Variants in EDRF1 observed in about 807,000 individuals in gnomAD.
EDRF1 encodes erythroid differentiation regulatory factor 1.
EDRF1 carries 69 observed loss-of-function variants against 148.7 expected under a neutral mutation model. The ratio of observed to expected loss-of-function variants is 0.46; its 90% CI spans 0.38 to 0.57. The LOEUF is 0.57. EDRF1 is among the 20% of genes least tolerant of loss of function. The pLI is 0.00. For synonymous variants in EDRF1, 515 were observed against 532.8 expected (o/e 0.97, Z 0.46); for missense variants, 1,118 against 1,478.7 (o/e 0.76, Z 4.00).
At position 125,756,870 on chromosome 10, in the gene EDRF1, T is replaced by G. The variant is rs370774718; in HGVS notation, c.3545+3025T>G. ...CTCTGTCACTCAGGCTGGAGTGCAG[T>G]GGCATGATCATAGCTCACTGCAGCC... On this transcript the variant is annotated intron_variant, in intron 24 of 24. Transcript: ENST00000356792. 96 of 420,888 alleles carry G rather than the reference T, an allele frequency of 2.3e-4. 1 individual carries two copies. Among genetic ancestry groups the G allele is most frequent in the African/African-American group, 1.8e-3 (87 of 48,190 alleles). The allele number at this position is 420,888 out of a possible 1,614,324, so 26.1% of individuals were successfully genotyped here. A position where few individuals can be genotyped will look rare whatever the true frequency, so the allele number is the denominator to read the frequency against.
intron 7 of EDRF1, 26 bp from the exon 8 acceptor site, chr10:125,729,332 A>G (rs1205205376): frequency 6.8e-6 from 11 of 1,610,472 alleles, no homozygotes; most frequent in Non-Finnish European, 9.3e-6. Context: ...ACTGTTTATT[A>G]TAATCCTCCC....
At chr10:125,735,371 G>A (rs1384718018) in intron 12 of EDRF1, among the ~76,000 whole-genome samples, 1 of 152,078 alleles carries the variant, frequency 6.6e-6, no homozygotes, top group East Asian at 1.9e-4. Flanking sequence ...GCTTTTGTTT[G>A]TCTCCAGTGA....
chr10:125,722,646 T>C (rs1030945148), intron 2 of EDRF1, among the ~76,000 whole-genome samples: 1 of 152,204 alleles, frequency 6.6e-6, no homozygotes, highest in African/African-American at 2.4e-5. Context: ...TGTATATCAC[T>C]AGAAACACAA....
At chr10:125,756,834 A>G (rs1168192772) in intron 24 of EDRF1, 3 of 431,862 alleles carry the variant, frequency 6.9e-6, no homozygotes, top group Non-Finnish European at 1.4e-5. Flanking sequence ...TTTTTTTGAG[A>G]CAAGGTCTCA....
At chr10:125,731,940 G>T (rs1370698537) in intron 9 of EDRF1, 1 of 446,172 alleles carries the variant, frequency 2.2e-6, no homozygotes. Context: ...GTTGCCCAGG[G>T]TCAACTTAGT....
intron 22 of EDRF1, among the ~76,000 whole-genome samples, chr10:125,750,177 G>A (rs769149884): frequency 6.6e-6 from 1 of 151,946 alleles, no homozygotes; most frequent in African/African-American, 2.4e-5. Flanking sequence ...GATTTAAATC[G>A]GCATGAAAAA....
chr10:125,747,427 C>T, intron 19 of EDRF1, 109 bp from the exon 20 acceptor site: 1 of 1,222,462 alleles, frequency 8.2e-7, no homozygotes, highest in African/African-American at 1.5e-5. Flanking sequence ...TATAAATTAT[C>T]CCAAAATTAA....
rs149382540 is a variant in EDRF1, at chr10:125,743,841, G to A, written c.2590+565G>A. On this transcript the variant is annotated intron_variant, in intron 18 of 24. Coordinates refer to ENST00000356792, the MANE Select transcript of EDRF1 (RefSeq NM_001202438.2). Reference sequence around the variant, plus strand: ...GGGATCTCAAAGGGTGCAAGTGTACGTTTAGAGGGAGCAAGAGGCCTGTGT... The same window carrying A: ...GGGATCTCAAAGGGTGCAAGTGTACATTTAGAGGGAGCAAGAGGCCTGTGT... Among the ~76,000 whole-genome samples the A allele has an allele frequency of 1.4e-4, 22 of 152,272 alleles. No individual in the cohort carries two copies. The East Asian group carries it at 3.9e-3, about 27-fold the overall frequency.
At chr10:125,753,637 G>A (rs1386972723) in intron 23 of EDRF1, 57 bp from the exon 24 acceptor site, 9 of 1,592,664 alleles carry the variant, frequency 5.7e-6, no homozygotes, top group African/African-American at 2.7e-5. Flanking sequence ...CACTTGGTAC[G>A]ATATGAAACT....
At chr10:125,732,820 G>A (rs1848538239) in intron 9 of EDRF1, among the ~76,000 whole-genome samples, 1 of 151,980 alleles carries the variant, frequency 6.6e-6, no homozygotes, top group African/African-American at 2.4e-5. Flanking sequence ...AAATGCAAAG[G>A]CACTTTTAAA....
At position 125,747,843 on chromosome 10, in the gene EDRF1, C is replaced by T. The variant is rs1408207375; in HGVS notation, c.2974-20C>T. 1.2e-6 allele frequency: 2 copies of T among 1,613,610 alleles called. No homozygotes were observed. The highest frequency in any genetic ancestry group is 2.2e-5 in the East Asian group (1 of 44,874). ...CAGATTAGAAGCTTATTTTTTTCTTCCCCCTCAAAACAAGAACAGATTGAG... is the reference window on the plus strand; with the variant it reads ...CAGATTAGAAGCTTATTTTTTTCTTTCCCCTCAAAACAAGAACAGATTGAG... On this transcript the variant is annotated intron_variant, in intron 20 of 24. Transcript: ENST00000356792.
intron 1 of EDRF1, 31 bp from the exon 2 acceptor site, chr10:125,721,173 T>C: frequency 6.2e-7 from 1 of 1,607,460 alleles, no homozygotes; most frequent in Non-Finnish European, 8.5e-7. Flanking sequence ...TTAGTAATTT[T>C]CATTAAAGTT....
intron 9 of EDRF1, chr10:125,731,885 C>A: frequency 2.2e-6 from 1 of 453,048 alleles, no homozygotes. Flanking sequence ...TGCTGTTATT[C>A]CTATTTGATG....
Position 125,745,820 on chromosome 10 carries a change from T to C in EDRF1, c.2704T>C (p.Leu902=), listed in dbSNP as rs779638514. The C allele has an allele frequency of 1.9e-6, 3 of 1,614,228 alleles. No individual in the cohort carries two copies. The highest frequency in any genetic ancestry group is 3.3e-5 in the Admixed American group (2 of 60,028). Residue 902 remains leucine, a synonymous_variant, in exon 19 of 25, where the codon TTA becomes CTA. Coordinates refer to ENST00000356792, the MANE Select transcript of EDRF1 (RefSeq NM_001202438.2). ...TGAGGATGCCACCAATGCCGCCCTT[T>C]TATTATGTAACACGGGAAGGCTCAT... ...SIEDATNAAL[L]LCNTGRLMRI...
At position 125,740,481 on chromosome 10, in the gene EDRF1, G is replaced by T; in HGVS notation, c.2000G>T (p.Gly667Val). The change falls in exon 16 of 25, where the codon GGC becomes GTC. Residue 667 changes from glycine (G) to valine (V), a missense_variant. Transcript: ENST00000356792. ...GTCACAGTGGGCTCCCTTCAGAAGG[G>T]CAATTATTCCAGTCAATCTGGAATG... ...FLDKMGSLQK[G>V]NYSSQSGMIP... 6.2e-7 allele frequency: 1 copy of T among 1,613,968 alleles called. No homozygotes were observed. The highest frequency in any genetic ancestry group is 8.5e-7 in the Non-Finnish European group (1 of 1,179,994).
At chr10:125,731,486 A>G (rs1039431474) in intron 9 of EDRF1, among the ~76,000 whole-genome samples, 2 of 152,224 alleles carry the variant, frequency 1.3e-5, no homozygotes, top group Non-Finnish European at 2.9e-5. Flanking sequence ...GCTAGGGAAC[A>G]CAGGATTTAT....
At position 125,719,765 on chromosome 10, in the gene EDRF1, C is replaced by A; in HGVS notation, c.-43C>A. ...CTTTGGGCCTGCGTTGCTGCTGCTG[C>A]TCCTCCGCTCCCCCGTCGTATCGCC... On this transcript the variant is annotated 5_prime_UTR_variant, in exon 1 of 25. Coordinates refer to ENST00000356792, the MANE Select transcript of EDRF1 (RefSeq NM_001202438.2). The A allele has an allele frequency of 6.5e-7, 1 of 1,530,750 alleles. No individual in the cohort carries two copies. The highest frequency in any genetic ancestry group is 8.9e-7 in the Non-Finnish European group (1 of 1,119,234). The allele number at this position is 1,530,750 out of a possible 1,614,324, so 94.8% of individuals were successfully genotyped here. A position where few individuals can be genotyped will look rare whatever the true frequency, so the allele number is the denominator to read the frequency against.
intron 15 of EDRF1, among the ~76,000 whole-genome samples, chr10:125,739,521 C>CA (rs1478042976): frequency 6.6e-6 from 1 of 152,200 alleles, no homozygotes; most frequent in African/African-American, 2.4e-5. Context: ...CATGCACACA[C>CA]ACGGTTGTGA....
intron 2 of EDRF1, among the ~76,000 whole-genome samples, chr10:125,722,025 C>T (rs1381673615): frequency 1.3e-5 from 2 of 152,166 alleles, no homozygotes; most frequent in Non-Finnish European, 2.9e-5. Context: ...TTCCATGTAA[C>T]TTGTAGCAAG....
Sources: allele counts gnomAD v4.1 joint callset (sites outside exome capture counted in the v4.1 genomes callset), GRCh38; gene constraint gnomAD v4.1.1; transcripts MANE v1.5; gene names NCBI Gene and HGNC (gene_info 2026-07-23, HGNC 2026-07-21).